Variants in PDE1A observed in about 807,000 individuals in gnomAD.
The protein encoded by PDE1A is phosphodiesterase 1A, also known as dual specificity calcium/calmodulin-dependent 3',5'-cyclic nucleotide phosphodiesterase 1A.
Under a neutral mutation model 61.7 loss-of-function variants are expected in PDE1A, and 35 were observed. The ratio of observed to expected loss-of-function variants is 0.57; its 90% CI spans 0.43 to 0.75. PDE1A has a LOEUF of 0.75. Ranked by LOEUF, PDE1A falls within the 30% of genes least tolerant of loss-of-function variation. The pLI is 0.00. For missense variants in PDE1A, 597 were observed against 630.6 expected (o/e 0.95, Z 0.57); for synonymous variants, 232 against 213.2 (o/e 1.09, Z -0.77).
At chr2:182,322,575 C>G (rs1238480769) in intron 1 of PDE1A, among the ~76,000 whole-genome samples, 2 of 152,144 alleles carry the variant, frequency 1.3e-5, no homozygotes, top group African/African-American at 4.8e-5. Flanking sequence ...TTATAAATTA[C>G]CCAGTCTCAG....
intron 4 of PDE1A, 128 bp from the exon 5 acceptor site, chr2:182,231,259 A>G (rs1295679155): frequency 1.4e-5 from 9 of 650,334 alleles, no homozygotes; most frequent in African/African-American, 3.6e-5. Context: ...CTACACTTTG[A>G]CCAGAGTTTC....
intron 1 of PDE1A, among the ~76,000 whole-genome samples, chr2:182,386,363 C>T (rs984715955): frequency 3.3e-5 from 5 of 150,540 alleles, no homozygotes; most frequent in Admixed American, 6.6e-5. Flanking sequence ...AAGTGAGGAG[C>T]GCCTCTTCCT....
chr2:182,577,780 T>C, the PDE1A span, among the ~76,000 whole-genome samples: 1 of 151,922 alleles, frequency 6.6e-6, no homozygotes, highest in African/African-American at 2.4e-5. Flanking sequence ...ATTAGCTAGG[T>C]GTGGTGGCCC....
chr2:182,614,999 A>G, the PDE1A span, among the ~76,000 whole-genome samples: 1 of 152,266 alleles, frequency 6.6e-6, no homozygotes, highest in East Asian at 1.9e-4. Context: ...TTTAGAATAA[A>G]TAATTCCTAT....
chr2:182,327,448 G>C (rs1279750153), intron 1 of PDE1A, among the ~76,000 whole-genome samples: 1 of 152,204 alleles, frequency 6.6e-6, no homozygotes, highest in Non-Finnish European at 1.5e-5. Flanking sequence ...AAAGAGGTCA[G>C]CATGGCCGGA....
chr2:182,424,259 G>T (rs143588601), intron 1 of PDE1A, among the ~76,000 whole-genome samples: 1 of 152,078 alleles, frequency 6.6e-6, no homozygotes, highest in Non-Finnish European at 1.5e-5. Flanking sequence ...ATTTCTTAAT[G>T]ACTGAAATTT....
intron 1 of PDE1A, among the ~76,000 whole-genome samples, chr2:182,313,168 C>T (rs1255543250): frequency 1.3e-5 from 2 of 152,168 alleles, no homozygotes; most frequent in Non-Finnish European, 2.9e-5. Flanking sequence ...AATCCCAGCA[C>T]TTTGGGAGGC....
At chr2:182,565,352 T>C in the PDE1A span, among the ~76,000 whole-genome samples, 1 of 152,170 alleles carries the variant, frequency 6.6e-6, no homozygotes, top group African/African-American at 2.4e-5. Context: ...CCAGCAGCGG[T>C]GGCTGCAGAA....
chr2:182,447,649 T>C (rs1685233272), intron 2 of PDE1A, among the ~76,000 whole-genome samples: 2 of 152,030 alleles, frequency 1.3e-5, no homozygotes, highest in South Asian at 4.1e-4. Flanking sequence ...TTATTTTCAC[T>C]GGTGCTCTCT....
chr2:182,527,453 G>A (rs1011365069), upstream of PDE1A, among the ~76,000 whole-genome samples: 11 of 147,520 alleles, frequency 7.5e-5, no homozygotes, highest in Non-Finnish European at 1.0e-4. Context: ...TGCTACTTGG[G>A]GGGCTGAGGT....
the PDE1A span, among the ~76,000 whole-genome samples, chr2:182,565,447 G>C: frequency 6.6e-6 from 1 of 152,118 alleles, no homozygotes; most frequent in Non-Finnish European, 1.5e-5. Flanking sequence ...GCCATGTGAG[G>C]TGTCAGTCTG....
chr2:182,547,231 CGTT>C, the PDE1A span, among the ~76,000 whole-genome samples: 69 of 152,244 alleles, frequency 4.5e-4, 1 homozygote, highest in East Asian at 0.013. Flanking sequence ...GTTTCCATCT[CGTT>C]GTTGGGTTCC....
chr2:182,166,624 A>G (rs1444508458), downstream of PDE1A, among the ~76,000 whole-genome samples: 2 of 152,170 alleles, frequency 1.3e-5, no homozygotes, highest in African/African-American at 4.8e-5. Context: ...CAGATGGCCC[A>G]TCATGGGACT....
the PDE1A span, among the ~76,000 whole-genome samples, chr2:182,610,212 T>C: frequency 6.6e-6 from 1 of 152,236 alleles, no homozygotes; most frequent in African/African-American, 2.4e-5. Flanking sequence ...CCAATCCTAT[T>C]TCTATACAGC....
At chr2:182,242,643 A>G (rs1250781770) in intron 2 of PDE1A, among the ~76,000 whole-genome samples, 1 of 152,202 alleles carries the variant, frequency 6.6e-6, no homozygotes, top group Non-Finnish European at 1.5e-5. Flanking sequence ...TACCCTCTAA[A>G]TTATGGGTAA....
chr2:182,514,826 A>G lies in PDE1A; in HGVS notation c.101+7450T>C, dbSNP rs372185702. 3.9e-5 allele frequency among the ~76,000 whole-genome samples: 6 copies of G among 152,232 alleles called. No individual in the cohort carries two copies. In the East Asian group the frequency reaches 7.7e-4, roughly 20 times the overall value. ...AACACAAATAGACAAGTGGAACCTA[A>G]TTAAACTAAAGAGCTTCTGCACAGC... is the stretch of plus-strand genomic sequence containing the variant. On this transcript the variant is annotated intron_variant, in intron 2 of 14. Transcript: ENST00000410103.
At chr2:182,462,310 AAAG>A (rs1341003793) in intron 2 of PDE1A, among the ~76,000 whole-genome samples, 3 of 151,688 alleles carry the variant, frequency 2.0e-5, no homozygotes, top group African/African-American at 7.3e-5. Context: ...ATAATAAAAA[AAAG>A]AATAGACATA....
At chr2:182,427,003 G>C in exon 1 of PDE1A, 1 of 1,002,928 alleles carries the variant, frequency 1.0e-6, no homozygotes, top group South Asian at 4.5e-5. Context: ...AGCCATGAGA[G>C]CTCTCCTTCC....
chr2:182,395,810 G>T (rs1383344900), intron 1 of PDE1A, among the ~76,000 whole-genome samples: 2 of 152,150 alleles, frequency 1.3e-5, no homozygotes, highest in Non-Finnish European at 2.9e-5. Context: ...TGGGAGCAAG[G>T]CCCTGCCATC....
Sources: gnomAD v4.1 joint callset for allele counts (sites outside exome capture counted in the v4.1 genomes callset) on GRCh38, gnomAD v4.1.1 for gene constraint, MANE v1.5 for transcripts, NCBI Gene and HGNC (gene_info 2026-07-23, HGNC 2026-07-21) for gene names.